Variants in ZZEF1 observed in about 807,000 individuals in gnomAD.
ZZEF1 encodes zinc finger ZZ-type and EF-hand domain containing 1, also known as zinc finger ZZ-type and EF-hand domain-containing protein 1.
In ZZEF1, 157 loss-of-function variants were observed where a neutral mutation model predicts 342.8. The ratio of observed to expected loss-of-function variants is 0.46; its 90% CI spans 0.40 to 0.52. The LOEUF is 0.52. Ranked by LOEUF, ZZEF1 falls within the 20% of genes least tolerant of loss-of-function variation. ZZEF1 has a pLI of 0.00. For synonymous variants in ZZEF1, 1,505 were observed against 1,429.1 expected (o/e 1.05, Z -1.20); for missense variants, 3,480 against 3,725.6 (o/e 0.93, Z 1.72).
intron 1 of ZZEF1, among the ~76,000 whole-genome samples, chr17:4,136,098 C>A (rs56665295): frequency 1.1e-3 from 151 of 143,140 alleles, no homozygotes; most frequent in African/African-American, 3.8e-3. Context: ...TCAAGCGATT[C>A]TCCTGCCTCA....
intron 26 of ZZEF1, among the ~76,000 whole-genome samples, chr17:4,070,099 A>G (rs2057479328): frequency 6.6e-6 from 1 of 152,192 alleles, no homozygotes. Context: ...CCTAAGAGAC[A>G]TGAGGAAAAG....
intron 37 of ZZEF1, among the ~76,000 whole-genome samples, chr17:4,046,441 T>C (rs1342018877): frequency 6.6e-6 from 1 of 152,188 alleles, no homozygotes. Context: ...CACCCCAGCT[T>C]CAGGTCTGAG....
intron 9 of ZZEF1, among the ~76,000 whole-genome samples, chr17:4,100,382 T>A (rs1425716986): frequency 1.3e-5 from 2 of 152,194 alleles, no homozygotes; most frequent in African/African-American, 2.4e-5. Flanking sequence ...CCCACCCTTG[T>A]GTTTCTCAGG....
At chr17:4,130,643 G>T (rs1199520106) in intron 1 of ZZEF1, among the ~76,000 whole-genome samples, 1 of 152,108 alleles carries the variant, frequency 6.6e-6, no homozygotes, top group Non-Finnish European at 1.5e-5. Context: ...AGGAAACCGG[G>T]AGAGAAAAGT....
chr17:4,085,566 A>T, intron 16 of ZZEF1, 104 bp downstream of exon 16: 1 of 1,407,486 alleles, frequency 7.1e-7, no homozygotes, highest in Non-Finnish European at 9.8e-7. Context: ...ATTAATACAC[A>T]TCTGGGACGT....
At chr17:4,080,327 TTTTGTTTTTTG>T (rs147507429) in intron 18 of ZZEF1, among the ~76,000 whole-genome samples, 75,661 of 151,186 alleles carry the variant, frequency 0.5, 21,168 homozygotes, top group East Asian at 0.73. Flanking sequence ...TGAATTTTTT[TTTTGTTTTTTG>T]TTTGTTTGTT....
In ZZEF1 at chr17:4,025,072, A is replaced by G. The variant is rs1226528237; in HGVS notation, c.6939T>C (p.Gly2313=). The G allele has an allele frequency of 1.2e-6, 2 of 1,614,004 alleles. No individual in the cohort carries two copies. Among genetic ancestry groups the G allele is most frequent in the African/African-American group, 2.7e-5 (2 of 74,892 alleles). Reference sequence around the variant, plus strand: ...ACTGGCTCAGCTGGGCCCGAGAGTCACCACACTCTTGTCCTCCTCCCTTCT... The same window carrying G: ...ACTGGCTCAGCTGGGCCCGAGAGTCGCCACACTCTTGTCCTCCTCCCTTCT... ...LVQKGGGQEC[G]DSRAQLSQYS... is the part of the protein sequence containing the mutation. Residue 2313 remains glycine, a synonymous_variant, in exon 43 of 55, where the codon GGT becomes GGC. Coordinates refer to ENST00000381638, the MANE Select transcript of ZZEF1 (RefSeq NM_015113.4).
In ZZEF1 at chr17:4,114,165, T is replaced by C. The variant is rs1159273282; in HGVS notation, c.866+134A>G. 3 of 591,118 alleles carry C rather than the reference T, an allele frequency of 5.1e-6. No homozygotes were observed. In the East Asian group the frequency reaches 9.8e-5, roughly 19 times the overall value. The allele number at this position is 591,118 out of a possible 1,614,324, so 36.6% of individuals were successfully genotyped here. On this transcript the variant is annotated intron_variant, in intron 4 of 54. Coordinates refer to ENST00000381638, the MANE Select transcript of ZZEF1 (RefSeq NM_015113.4). ...TCTGTTAGGAATATATAAGCCAGGTTACATGATTTTACATGATTCATTTTA... is the reference window on the plus strand; with the variant it reads ...TCTGTTAGGAATATATAAGCCAGGTCACATGATTTTACATGATTCATTTTA...
intron 4 of ZZEF1, 78 bp from the exon 5 acceptor site, chr17:4,112,886 A>ATGTAAGCTCTTTGAGGTG: frequency 7.9e-7 from 1 of 1,267,654 alleles, no homozygotes; most frequent in Non-Finnish European, 1.1e-6. Context: ...CCCACCTCAA[A>ATGTAAGCTCTTTGAGGTG]GAGCTTACAT....
At chr17:4,099,924 A>G (rs916741806) in intron 9 of ZZEF1, among the ~76,000 whole-genome samples, 25 of 1,200 alleles carry the variant, frequency 0.021, no homozygotes, top group Middle Eastern at 0.5. Flanking sequence ...ATAACAGGGA[A>G]AAAAAAAATA....
intron 39 of ZZEF1, among the ~76,000 whole-genome samples, chr17:4,036,708 G>T (rs1002207405): frequency 6.7e-6 from 1 of 149,482 alleles, no homozygotes; most frequent in Admixed American, 6.7e-5. Context: ...ACCAGCCTGG[G>T]CGACAAGAGG....
chr17:4,075,128 T>C lies in ZZEF1; in HGVS notation c.3452A>G (p.Asp1151Gly), dbSNP rs770778858. ...TDARGRKTRY[D>G]TKVGTDKWPK... ...CCATTTATCAGTGCCAACTTTTGTGTCATAGCGTGTTTTCCGACCTCTAGC... is the reference window on the plus strand; with the variant it reads ...CCATTTATCAGTGCCAACTTTTGTGCCATAGCGTGTTTTCCGACCTCTAGC... Residue 1151 changes from aspartate to glycine, a missense_variant, in exon 23 of 55, where the codon GAC becomes GGC. By Grantham distance (94) the Asp-to-Gly change is moderately conservative. Coordinates refer to ENST00000381638, the MANE Select transcript of ZZEF1 (RefSeq NM_015113.4). The C allele has an allele frequency of 6.2e-7, 1 of 1,614,248 alleles. No individual in the cohort carries two copies. The highest frequency in any genetic ancestry group is 1.7e-5 in the Admixed American group (1 of 60,030).
In ZZEF1 at chr17:4,034,020, C is replaced by T. The variant is rs2056606362; in HGVS notation, c.6579G>A (p.Leu2193=). 1 of 1,613,870 alleles carries T rather than the reference C, an allele frequency of 6.2e-7. No individual in the cohort carries two copies. Among genetic ancestry groups the T allele is most frequent in the Non-Finnish European group, 8.5e-7 (1 of 1,179,922 alleles). ...HLLFSLGAVC[L]DSRVGLDWAC... ...GGAGCGAGGACCAAGGCTACCTGTC[C>T]AGACACACAGCTCCCAGGCTAAAGA... The change falls in exon 40 of 55, where the codon CTG becomes CTA. Residue 2193 remains leucine, a synonymous_variant. Transcript: ENST00000381638.
At chr17:4,063,728 A>ATTTT (rs549620718) in intron 29 of ZZEF1, among the ~76,000 whole-genome samples, 12 of 130,752 alleles carry the variant, frequency 9.2e-5, no homozygotes, top group African/African-American at 3.2e-4. Flanking sequence ...CACTCAGGTC[A>ATTTT]TTTTTTTTTT....
At chr17:4,117,629 C>A (rs560206256) in intron 2 of ZZEF1, among the ~76,000 whole-genome samples, 12 of 79,220 alleles carry the variant, frequency 1.5e-4, no homozygotes, top group African/African-American at 4.9e-4. Flanking sequence ...GCCTGGGCAA[C>A]AACAGTGAAA....
chr17:4,116,145 C>T (rs971524891), intron 3 of ZZEF1, among the ~76,000 whole-genome samples: 41 of 152,224 alleles, frequency 2.7e-4, no homozygotes, highest in African/African-American at 9.9e-4. Flanking sequence ...CACGGTGAAA[C>T]CTGTCTCTAC....
intron 42 of ZZEF1, among the ~76,000 whole-genome samples, chr17:4,030,771 T>C (rs1371563743): frequency 1.3e-5 from 2 of 152,240 alleles, no homozygotes; most frequent in Non-Finnish European, 2.9e-5. Context: ...ATAGAAACTC[T>C]TTTATAGAAG....
At chr17:4,044,450 T>C in intron 37 of ZZEF1, 76 bp from the exon 38 acceptor site, 1 of 1,387,388 alleles carries the variant, frequency 7.2e-7, no homozygotes, top group South Asian at 1.4e-5. Flanking sequence ...AACTTTTTAA[T>C]GATTAGCCAG....
chr17:4,013,417 G>A lies in ZZEF1; in HGVS notation c.8579+32C>T, dbSNP rs911282237. Reference sequence around the variant, plus strand: ...CCACAGAGTGGGGATACATATGCCTGGCAAAGGGCTGCCATCCGGGACACC... The same window carrying A: ...CCACAGAGTGGGGATACATATGCCTAGCAAAGGGCTGCCATCCGGGACACC... On this transcript the variant is annotated intron_variant, in intron 52 of 54. Coordinates refer to ENST00000381638, the MANE Select transcript of ZZEF1 (RefSeq NM_015113.4). The A allele has an allele frequency of 2.6e-6, 4 of 1,547,888 alleles. No homozygotes were observed. In the African/African-American group the frequency reaches 4.1e-5, roughly 16 times the overall value.
Sources: allele counts gnomAD v4.1 joint callset (sites outside exome capture counted in the v4.1 genomes callset), GRCh38; gene constraint gnomAD v4.1.1; transcripts MANE v1.5; gene names NCBI Gene and HGNC (gene_info 2026-07-23, HGNC 2026-07-21).